Variants in SDCCAG8 observed in about 807,000 individuals in gnomAD.
The protein encoded by SDCCAG8 is serologically defined colon cancer antigen 8.
SDCCAG8 carries 74 observed loss-of-function variants against 101.8 expected under a neutral mutation model. That is an observed-to-expected ratio of 0.73 (90% CI 0.60 to 0.88). The LOEUF (loss-of-function observed/expected upper bound fraction) is 0.88. SDCCAG8 is among the 40% of genes least tolerant of loss of function. The pLI is 0.00. For missense variants in SDCCAG8, 787 were observed against 822.6 expected, an observed-to-expected ratio of 0.96 and a Z score of 0.53; for synonymous variants, 281 against 292.9, an observed-to-expected ratio of 0.96 and a Z score of 0.41.
At chr1:243,323,599 G>A (rs563525174) in intron 9 of SDCCAG8, among the ~76,000 whole-genome samples, 4 of 152,100 alleles carry the variant, frequency 2.6e-5, no homozygotes, top group East Asian at 1.9e-4. Flanking sequence ...CTTTCACTTC[G>A]TTTATTACCG....
chr1:243,375,177 C>A (rs1164676227), intron 12 of SDCCAG8, among the ~76,000 whole-genome samples: 1 of 151,876 alleles, frequency 6.6e-6, no homozygotes, highest in Non-Finnish European at 1.5e-5. Flanking sequence ...CCCTTCTTCA[C>A]GTAAGAAAGG....
chr1:243,391,415 G>A lies in SDCCAG8; in HGVS notation c.1616+12552G>A, dbSNP rs556733696. Among the ~76,000 whole-genome samples, 43 of 152,272 alleles carry A rather than the reference G, an allele frequency of 2.8e-4. 2 individuals are homozygous for A. The South Asian group carries it at 8.7e-3, about 31-fold the overall frequency. On this transcript the variant is annotated intron_variant, in intron 13 of 17. Transcript: ENST00000366541. ...CCAAGCAAAGGATGCAGTCAGTCTC[G>A]GGAGATGAGAGTAGGCACCAAACAG...
At chr1:243,498,958 C>T (rs906900496) in intron 17 of SDCCAG8, among the ~76,000 whole-genome samples, 3 of 152,348 alleles carry the variant, frequency 2.0e-5, no homozygotes, top group Non-Finnish European at 4.4e-5. Flanking sequence ...ATCTAGAGGG[C>T]GAGGACTGTG....
At chr1:243,453,271 C>A (rs2083496806) in intron 16 of SDCCAG8, among the ~76,000 whole-genome samples, 1 of 152,120 alleles carries the variant, frequency 6.6e-6, no homozygotes, top group South Asian at 2.1e-4. Flanking sequence ...CTGTACTCTG[C>A]AGTGGCTGGT....
intron 13 of SDCCAG8, among the ~76,000 whole-genome samples, chr1:243,380,465 G>GT (rs1265487905): frequency 6.6e-6 from 1 of 152,120 alleles, no homozygotes; most frequent in Non-Finnish European, 1.5e-5. Context: ...ATTAATGCTG[G>GT]TTTTGCCCCT....
intron 16 of SDCCAG8, among the ~76,000 whole-genome samples, chr1:243,447,273 A>AC (rs1411844480): frequency 6.6e-6 from 1 of 151,162 alleles, no homozygotes; most frequent in Non-Finnish European, 1.5e-5. Context: ...AAAAAAAAAA[A>AC]AAACCATGCC....
chr1:243,294,481 G>C (rs1278599993), intron 6 of SDCCAG8, among the ~76,000 whole-genome samples: 2 of 119,754 alleles, frequency 1.7e-5, no homozygotes, highest in Non-Finnish European at 3.6e-5. Context: ...GGTGGGGGGG[G>C]GGAGAGAGAG....
In SDCCAG8 at chr1:243,450,542, G is replaced by A. The variant is rs570242080; in HGVS notation, c.1985+23984G>A. On this transcript the variant is annotated intron_variant, in intron 16 of 17. Transcript: ENST00000366541. Reference sequence around the variant, plus strand: ...ACTTCCAGGGATTCTTGTCTCGTGGGAAAGCATGTATTCTAGCGTTGCTAG... The same window carrying A: ...ACTTCCAGGGATTCTTGTCTCGTGGAAAAGCATGTATTCTAGCGTTGCTAG... 1.4e-3 allele frequency among the ~76,000 whole-genome samples: 215 copies of A among 152,350 alleles called. 1 individual carries two copies. The highest frequency in any genetic ancestry group is 2.4e-3 in the Non-Finnish European group (164 of 68,030).
At chr1:243,354,797 T>C (rs2076291844) in intron 12 of SDCCAG8, among the ~76,000 whole-genome samples, 1 of 152,226 alleles carries the variant, frequency 6.6e-6, no homozygotes, top group Non-Finnish European at 1.5e-5. Flanking sequence ...TAGAATATGA[T>C]CATCTTAAGA....
At chr1:243,323,741 C>A (rs2073940864) in intron 9 of SDCCAG8, among the ~76,000 whole-genome samples, 1 of 152,194 alleles carries the variant, frequency 6.6e-6, no homozygotes, top group African/African-American at 2.4e-5. Context: ...GAAGTGCTCG[C>A]TTCATGATCA....
intron 13 of SDCCAG8, among the ~76,000 whole-genome samples, chr1:243,381,882 A>G (rs1436185493): frequency 6.6e-6 from 1 of 152,204 alleles, no homozygotes; most frequent in African/African-American, 2.4e-5. Flanking sequence ...GGCCCATTCT[A>G]CACCATAGGT....
chr1:243,488,997 G>C lies in SDCCAG8; in HGVS notation c.1986-17G>C, dbSNP rs760731605. On this transcript the variant is annotated splice_polypyrimidine_tract_variant and intron_variant, in intron 16 of 17. Coordinates refer to ENST00000366541, the MANE Select transcript of SDCCAG8 (RefSeq NM_006642.5). Reference sequence around the variant, plus strand: ...TGACGTTATCCCTCTTTAATTCTGCGGTGGATTTTTCTCCAGGCTAAGGCA... The same window carrying C: ...TGACGTTATCCCTCTTTAATTCTGCCGTGGATTTTTCTCCAGGCTAAGGCA... The C allele has an allele frequency of 2.5e-6, 4 of 1,613,228 alleles. No homozygotes were observed. In the Admixed American group the frequency reaches 6.7e-5, roughly 27 times the overall value.
At position 243,418,053 on chromosome 1, in the gene SDCCAG8, G is replaced by A. The variant is rs1026708651; in HGVS notation, c.1830G>A (p.Leu610=). The A allele has an allele frequency of 1.2e-6, 2 of 1,612,150 alleles. No individual in the cohort carries two copies. The highest frequency in any genetic ancestry group is 2.7e-5 in the African/African-American group (2 of 74,824). ...AATGCTGTACATTAGCCAAGAAACT[G>A]GAACAAATCTCTCAAAAAACCAGGT... ...KEECCTLAKK[L]EQISQKTRSE... is the part of the protein sequence containing the mutation. The change falls in exon 15 of 18, where the codon CTG becomes CTA. Residue 610 remains leucine, a synonymous_variant. Transcript: ENST00000366541.
intron 13 of SDCCAG8, among the ~76,000 whole-genome samples, chr1:243,388,517 G>T (rs934965476): frequency 6.6e-6 from 1 of 152,040 alleles, no homozygotes; most frequent in Non-Finnish European, 1.5e-5. Flanking sequence ...GGGATCCTGG[G>T]TGAGTAAAAC....
chr1:243,292,018 A>AC (rs2070317694), intron 5 of SDCCAG8, among the ~76,000 whole-genome samples: 1 of 152,192 alleles, frequency 6.6e-6, no homozygotes, highest in African/African-American at 2.4e-5. Flanking sequence ...AAGGATATAA[A>AC]TGAACAGCCA....
intron 7 of SDCCAG8, chr1:243,306,240 A>G (rs2072115250): frequency 1.3e-5 from 2 of 152,110 alleles, no homozygotes; most frequent in Admixed American, 6.5e-5. Flanking sequence ...AGAAATGTTA[A>G]CATTTAAAAA....
intron 6 of SDCCAG8, 182 bp downstream of exon 6, chr1:243,293,401 C>G (rs907419786): frequency 6.6e-6 from 5 of 757,564 alleles, no homozygotes; most frequent in Non-Finnish European, 1.1e-5. Flanking sequence ...ATTTTCAGAA[C>G]TTTTTGATCA....
At chr1:243,342,891 C>T (rs1486003578) in intron 11 of SDCCAG8, among the ~76,000 whole-genome samples, 1 of 152,154 alleles carries the variant, frequency 6.6e-6, no homozygotes, top group African/African-American at 2.4e-5. Flanking sequence ...ACTTTTTCTT[C>T]TGTCTTGTCA....
At chr1:243,476,232 G>A (rs531609738) in intron 16 of SDCCAG8, 9 of 985,350 alleles carry the variant, frequency 9.1e-6, no homozygotes, top group Admixed American at 6.1e-5. Context: ...AAGGGTCAGC[G>A]GGGAGGCTGC....
Sources: gnomAD v4.1 joint callset for allele counts (sites outside exome capture counted in the v4.1 genomes callset) on GRCh38, gnomAD v4.1.1 for gene constraint, MANE v1.5 for transcripts, NCBI Gene and HGNC (gene_info 2026-07-23, HGNC 2026-07-21) for gene names.